The following PCDHGA3 variants were observed in gnomAD, a reference collection of about 807,000 sequenced individuals.
The protein encoded by PCDHGA3 is protocadherin gamma-A3.
In PCDHGA3, 40 loss-of-function variants were observed where a neutral mutation model predicts 58.5. That is an observed-to-expected ratio of 0.68 (90% confidence interval 0.53 to 0.89). The LOEUF is 0.89. PCDHGA3 is among the 40% of genes least tolerant of loss of function. The pLI is 0.00. For synonymous variants in PCDHGA3, 530 were observed against 525.7 expected, an observed-to-expected ratio of 1.01 and a Z score of -0.11; for missense variants, 1,223 against 1,195.9, an observed-to-expected ratio of 1.02 and a Z score of -0.33.
At chr5:141,457,111 G>T (rs922281700) in intron 1 of PCDHGA3, among the ~76,000 whole-genome samples, 1 of 152,120 alleles carries the variant, frequency 6.6e-6, no homozygotes, top group African/African-American at 2.4e-5. Context: ...AGCAAAATAC[G>T]ACAGCAATGG....
At chr5:141,394,430 C>G in intron 1 of PCDHGA3, 2 of 1,614,244 alleles carry the variant, frequency 1.2e-6, no homozygotes, top group Non-Finnish European at 1.7e-6. Flanking sequence ...ACAGCGGGGA[C>G]CCGCCCCTCA....
At chr5:141,430,786 C>G (rs992448490) in intron 1 of PCDHGA3, 1 of 1,513,352 alleles carries the variant, frequency 6.6e-7, no homozygotes, top group Non-Finnish European at 8.8e-7. Context: ...TGCACCGGGA[C>G]TACAAAGGGC....
chr5:141,412,215 C>T (rs1265657058), intron 1 of PCDHGA3: 1 of 152,240 alleles, frequency 6.6e-6, no homozygotes, highest in Non-Finnish European at 1.5e-5. Flanking sequence ...GACATAAACA[C>T]TTACTTGTTA....
At chr5:141,377,760 A>T (rs991785557) in intron 1 of PCDHGA3, 3 of 152,200 alleles carry the variant, frequency 2.0e-5, no homozygotes, top group South Asian at 4.1e-4. Context: ...GGGACACCAG[A>T]TCTTTGGTGT....
At chr5:141,361,887 C>T in intron 1 of PCDHGA3, 2 of 1,610,304 alleles carry the variant, frequency 1.2e-6, no homozygotes, top group Non-Finnish European at 1.7e-6. Flanking sequence ...CCGCAGAGCC[C>T]GGCTACCTGG....
chr5:141,413,218 A>C, intron 1 of PCDHGA3: 1 of 1,613,610 alleles, frequency 6.2e-7, no homozygotes, highest in Non-Finnish European at 8.5e-7. Context: ...AAAGGATTGC[A>C]GCGGGCTGGT....
At chr5:141,438,875 A>G (rs2098071820) in intron 1 of PCDHGA3, among the ~76,000 whole-genome samples, 1 of 151,738 alleles carries the variant, frequency 6.6e-6, no homozygotes. Flanking sequence ...CAAGTTGGCC[A>G]GGCTGCTCTT....
chr5:141,511,641 A>C lies in PCDHGA3; in HGVS notation c.*468A>C. On this transcript the variant is annotated 3_prime_UTR_variant, in exon 4 of 4. Transcript: ENST00000253812. ...TCTGAAAAGTTGGAAGGGCATCATG[A>C]CCTCTTGGCCTCTCCTTTGATTCTC... 1 of 224,930 alleles carries C rather than the reference A, an allele frequency of 4.4e-6. No homozygotes were observed. The allele number at this position is 224,930 out of a possible 1,614,324, so 13.9% of individuals were successfully genotyped here. A position where few individuals can be genotyped will look rare whatever the true frequency, so the allele number is the denominator to read the frequency against.
intron 1 of PCDHGA3, among the ~76,000 whole-genome samples, chr5:141,462,798 C>A (rs1458659959): frequency 6.6e-6 from 1 of 152,072 alleles, no homozygotes; most frequent in Non-Finnish European, 1.5e-5. Flanking sequence ...ATTTGCATGT[C>A]TAATAATGTT....
chr5:141,423,006 T>A, intron 1 of PCDHGA3: 2 of 1,614,198 alleles, frequency 1.2e-6, no homozygotes, highest in Non-Finnish European at 1.7e-6. Context: ...CCAAGGTGGT[T>A]GCGGTGGACA....
chr5:141,453,931 G>T (rs61228273), intron 1 of PCDHGA3, among the ~76,000 whole-genome samples: 2 of 152,306 alleles, frequency 1.3e-5, no homozygotes, highest in African/African-American at 4.8e-5. Flanking sequence ...GTCACTGTGT[G>T]CCTATAATTT....
At chr5:141,401,391 T>C (rs923364219) in intron 1 of PCDHGA3, among the ~76,000 whole-genome samples, 1 of 152,140 alleles carries the variant, frequency 6.6e-6, no homozygotes, top group Non-Finnish European at 1.5e-5. Flanking sequence ...ATACTACATG[T>C]TATGTGTATG....
rs114847835 is a variant in PCDHGA3, at chr5:141,486,500, C to T, written c.2425-8307C>T. The T allele has an allele frequency of 6.2e-6, 10 of 1,614,008 alleles. No homozygotes were observed. The East Asian group carries it at 1.8e-4, about 29-fold the overall frequency. On this transcript the variant is annotated intron_variant, in intron 1 of 3. Coordinates refer to ENST00000253812, the MANE Select transcript of PCDHGA3 (RefSeq NM_018916.4). This position sits in a 1 kb window ranked among gnomAD's most constrained non-coding sequence, Gnocchi z 5.0. ...TCTCAGTACCCACAGAACTATTTTCCTCAATATTTCAGATGTGAATGATAA... is the reference window on the plus strand; with the variant it reads ...TCTCAGTACCCACAGAACTATTTTCTTCAATATTTCAGATGTGAATGATAA...
intron 1 of PCDHGA3, chr5:141,484,865 G>A (rs1431313212): frequency 3.6e-6 from 1 of 278,548 alleles, no homozygotes; most frequent in Non-Finnish European, 6.7e-6. Flanking sequence ...GGGTGGGGGA[G>A]CGTGGAGGAT....
chr5:141,371,007 C>G, intron 1 of PCDHGA3: 2 of 1,613,962 alleles, frequency 1.2e-6, no homozygotes, highest in African/African-American at 2.7e-5. Flanking sequence ...CAGGGAAGAG[C>G]AGCCACATCA....
At chr5:141,383,188 G>T (rs762386846) in intron 1 of PCDHGA3, 26 of 1,614,064 alleles carry the variant, frequency 1.6e-5, no homozygotes, top group Non-Finnish European at 2.1e-5. Context: ...AGAGATCTGC[G>T]CTCAGAGTGC....
rs922804811 is a variant in PCDHGA3 at position 141,432,794 on chromosome 5, G to A, written c.2425-62013G>A. On this transcript the variant is annotated intron_variant, in intron 1 of 3. Coordinates refer to ENST00000253812, the MANE Select transcript of PCDHGA3 (RefSeq NM_018916.4). This position sits in a 1 kb window ranked among gnomAD's most constrained non-coding sequence, Gnocchi z 6.0. ...AGTCCTGGCGGACCTCGGCAGCCTC[G>A]AGTCTCCAGCTAACTCTGAAACCTC... The A allele has an allele frequency of 3.7e-6, 6 of 1,614,138 alleles. No homozygotes were observed. Among genetic ancestry groups the A allele is most frequent in the Non-Finnish European group, 5.1e-6 (6 of 1,180,000 alleles).
At position 141,485,342 on chromosome 5, in the gene PCDHGA3, G is replaced by A; in HGVS notation, c.2425-9465G>A. On this transcript the variant is annotated intron_variant, in intron 1 of 3. Coordinates refer to ENST00000253812, the MANE Select transcript of PCDHGA3 (RefSeq NM_018916.4). The surrounding 1 kb of genome is among the most constrained non-coding windows in gnomAD (Gnocchi z 5.7). ...CGCTCAAGATTTCCTGCTGGATACG[G>A]ACAGTCTGTCAGCTCGCAGGCTGCA... 1 of 1,614,164 alleles carries A rather than the reference G, an allele frequency of 6.2e-7. No homozygotes were observed. The highest frequency in any genetic ancestry group is 8.5e-7 in the Non-Finnish European group (1 of 1,180,026).
chr5:141,482,288 C>G (rs1413786764), intron 1 of PCDHGA3, among the ~76,000 whole-genome samples: 1 of 152,078 alleles, frequency 6.6e-6, no homozygotes, highest in Non-Finnish European at 1.5e-5. Context: ...GTCTTTTAAT[C>G]TCTTTAAACT....
Sources: gnomAD v4.1 joint callset for allele counts (sites outside exome capture counted in the v4.1 genomes callset) on GRCh38, gnomAD v4.1.1 for gene constraint, Gnocchi (gnomAD v3.1) non-coding constraint, MANE v1.5 for transcripts, NCBI Gene and HGNC (gene_info 2026-07-23, HGNC 2026-07-21) for gene names.